The following GJA8 variants were observed in gnomAD, a reference collection of about 807,000 sequenced individuals.
The protein encoded by GJA8 is gap junction alpha-8 protein.
In GJA8, 13 loss-of-function variants were observed where a neutral mutation model predicts 15.3. The observed-to-expected ratio is 0.85, with a 90% CI of 0.55 to 1.35. GJA8 has a LOEUF of 1.35. Ranked by LOEUF, GJA8 falls within the 40% of genes most tolerant of loss-of-function variation. The pLI is 0.00. For missense variants in GJA8, 607 were observed against 553.3 expected, an observed-to-expected ratio of 1.10 and a Z score of -0.97; for synonymous variants, 304 against 238.7, an observed-to-expected ratio of 1.27 and a Z score of -2.52.
At chr1:147,913,467 C>T (rs1553243714), downstream of GJA8, among the ~76,000 whole-genome samples, 1 of 152,140 alleles carries the variant, frequency 6.6e-6, no homozygotes, top group Non-Finnish European at 1.5e-5. Context: ...GAAAGAGGTG[C>T]TAAAGGTACT....
intron 1 of GJA8, 121 bp from the exon 2 acceptor site, chr1:147,907,824 T>G (rs1354983420): frequency 2.6e-6 from 2 of 760,374 alleles, no homozygotes; most frequent in Non-Finnish European, 4.7e-6. Flanking sequence ...ATAGACGCTG[T>G]GTGCACATTG....
intron 1 of GJA8, among the ~76,000 whole-genome samples, chr1:147,904,728 G>A (rs1026358135): frequency 1.1e-4 from 17 of 152,038 alleles, no homozygotes; most frequent in Non-Finnish European, 2.1e-4. Context: ...ATTTCCCTTC[G>A]CAGCTCTAAA....
chr1:147,910,005 G>A (rs994531524), downstream of GJA8, among the ~76,000 whole-genome samples: 18 of 151,950 alleles, frequency 1.2e-4, no homozygotes, highest in South Asian at 2.1e-4. Context: ...GACTATAGGC[G>A]CACACCACCA....
At chr1:147,906,698 A>G (rs184706155) in intron 1 of GJA8, among the ~76,000 whole-genome samples, 1 of 152,248 alleles carries the variant, frequency 6.6e-6, no homozygotes, top group Admixed American at 6.5e-5. Context: ...CAACCTAGAG[A>G]AGAGGAAACA....
downstream of GJA8, among the ~76,000 whole-genome samples, chr1:147,910,409 C>G (rs1652067194): frequency 6.6e-6 from 1 of 152,130 alleles, no homozygotes; most frequent in Non-Finnish European, 1.5e-5. Flanking sequence ...TTTAAATCAT[C>G]AGTCCAGGAG....
chr1:147,907,294 C>G (rs1275763952), intron 1 of GJA8, among the ~76,000 whole-genome samples: 2 of 152,188 alleles, frequency 1.3e-5, no homozygotes, highest in Non-Finnish European at 2.9e-5. Flanking sequence ...GTAAATAAGA[C>G]AGGCATGGCT....
In GJA8 at chr1:147,908,828, A is replaced by T. The variant is rs782247196; in HGVS notation, c.873A>T (p.Pro291=). The part of the protein sequence containing the change: ...LTEVGMVETS[P]LPAKPFNQFE... ...AGGTTGGGATGGTGGAGACCAGCCC[A>T]CTGCCTGCCAAGCCTTTCAATCAGT... Residue 291 remains proline, a synonymous_variant, in exon 2 of 2, where the codon CCA becomes CCT. Transcript: ENST00000369235. The T allele has an allele frequency of 6.2e-7, 1 of 1,614,188 alleles. No individual in the cohort carries two copies. Among genetic ancestry groups the T allele is most frequent in the Admixed American group, 1.7e-5 (1 of 60,024 alleles).
intron 1 of GJA8, among the ~76,000 whole-genome samples, chr1:147,905,109 C>A (rs1370857936): frequency 2.0e-5 from 3 of 152,120 alleles, no homozygotes; most frequent in Non-Finnish European, 4.4e-5. Context: ...CCATTTTTTA[C>A]AAGTTCTTAA....
downstream of GJA8, among the ~76,000 whole-genome samples, chr1:147,909,658 G>C (rs1014645133): frequency 3.3e-5 from 5 of 152,158 alleles, no homozygotes; most frequent in Admixed American, 2.6e-4. Context: ...TTCTGAAGCA[G>C]ATACCATGTG....
downstream of GJA8, among the ~76,000 whole-genome samples, chr1:147,910,905 G>T (rs1553243380): frequency 6.6e-6 from 1 of 152,112 alleles, no homozygotes; most frequent in African/African-American, 2.4e-5. Flanking sequence ...ATCTTGAAGG[G>T]CTCCTGTCCT....
At position 147,908,498 on chromosome 1, in the gene GJA8, C is replaced by T. The variant is rs587653739; in HGVS notation, c.543C>T (p.Tyr181=). The T allele has an allele frequency of 1.2e-6, 2 of 1,614,206 alleles. No individual in the cohort carries two copies. The highest frequency in any genetic ancestry group is 2.2e-5 in the East Asian group (1 of 44,878). Residue 181 remains tyrosine, a synonymous_variant, in exon 2 of 2, where the codon TAC becomes TAT. Transcript: ENST00000369235. The part of the protein sequence containing the change: ...FLYGFRILPL[Y]RCSRWPCPNV... Reference sequence around the variant, plus strand: ...ACGGGTTCCGGATCCTGCCTCTGTACCGCTGCAGCCGGTGGCCCTGCCCCA... The same window carrying T: ...ACGGGTTCCGGATCCTGCCTCTGTATCGCTGCAGCCGGTGGCCCTGCCCCA...
rs782213276 is a variant in GJA8, at chr1:147,908,138, C to G, written c.183C>G (p.Cys61Trp). The G allele has an allele frequency of 6.2e-7, 1 of 1,614,214 alleles. No individual in the cohort carries two copies. Among genetic ancestry groups the G allele is most frequent in the South Asian group, 1.1e-5 (1 of 91,088 alleles). ...TGTGCAACACCCAGCAGCCTGGCTGCGAGAACGTCTGCTACGACGAGGCCT... is the reference window on the plus strand; with the variant it reads ...TGTGCAACACCCAGCAGCCTGGCTGGGAGAACGTCTGCTACGACGAGGCCT... Reference protein sequence around the residue: ...DFVCNTQQPGCENVCYDEAFP... With the variant: ...DFVCNTQQPGWENVCYDEAFP... Residue 61 changes from cysteine (C) to tryptophan (W), a missense_variant, in exon 2 of 2, where the codon TGC becomes TGG. Cys to Trp is a radical substitution (Grantham distance 215, BLOSUM62 -2). Coordinates refer to ENST00000369235, the MANE Select transcript of GJA8 (RefSeq NM_005267.5).
chr1:147,907,549 C>G (rs587708401), intron 1 of GJA8, among the ~76,000 whole-genome samples: 4 of 152,098 alleles, frequency 2.6e-5, no homozygotes, highest in Non-Finnish European at 5.9e-5. Context: ...TTATGTCTCA[C>G]GAAACTTAGA....
downstream of GJA8, among the ~76,000 whole-genome samples, chr1:147,910,492 G>T (rs1291261952): frequency 1.3e-5 from 2 of 152,156 alleles, no homozygotes; most frequent in Non-Finnish European, 2.9e-5. Flanking sequence ...GATATGCTTT[G>T]TATTGGTGGG....
At position 147,909,269 on chromosome 1, in the gene GJA8, A is replaced by C. The variant is rs782760287; in HGVS notation, c.*12A>C. On this transcript the variant is annotated 3_prime_UTR_variant, in exon 2 of 2. Coordinates refer to ENST00000369235, the MANE Select transcript of GJA8 (RefSeq NM_005267.5). ...ATCTAACCGTATGAAGTGACGCCAA[A>C]GAAAAAAAAAAAAACGCCCAAGCTT... 5.9e-6 allele frequency: 8 copies of C among 1,359,094 alleles called. No homozygotes were observed. The highest frequency in any genetic ancestry group is 7.1e-6 in the Non-Finnish European group (7 of 988,108). The allele number at this position is 1,359,094 out of a possible 1,614,324, so 84.2% of individuals were successfully genotyped here.
chr1:147,912,653 C>G (rs1365649864), downstream of GJA8, among the ~76,000 whole-genome samples: 2 of 152,070 alleles, frequency 1.3e-5, no homozygotes, highest in African/African-American at 2.4e-5. Flanking sequence ...CATTTCTACT[C>G]CTAGTCGGTC....
downstream of GJA8, among the ~76,000 whole-genome samples, chr1:147,910,061 T>C (rs1282517118): frequency 6.6e-6 from 1 of 152,182 alleles, no homozygotes; most frequent in South Asian, 2.1e-4. Context: ...CGTTTCACCA[T>C]GTTGCCTAGG....
intron 1 of GJA8, among the ~76,000 whole-genome samples, chr1:147,905,878 A>G (rs1553242235): frequency 6.6e-6 from 1 of 152,206 alleles, no homozygotes; most frequent in East Asian, 1.9e-4. Flanking sequence ...TGGGGATGCC[A>G]CAGCTGCTGT....
At position 147,908,003 on chromosome 1, in the gene GJA8, G is replaced by A; in HGVS notation, c.48G>A (p.Glu16=). The change falls in exon 2 of 2, where the codon GAG becomes GAA. Residue 16 remains glutamate (E), a synonymous_variant. Transcript: ENST00000369235. ...GGAACATCTTGGAGGAGGTGAATGA[G>A]CACTCCACCGTCATCGGCAGAGTCT... ...FLGNILEEVN[E]HSTVIGRVWL... 1.2e-6 allele frequency: 2 copies of A among 1,613,720 alleles called. No homozygotes were observed. Among genetic ancestry groups the A allele is most frequent in the Non-Finnish European group, 1.7e-6 (2 of 1,179,622 alleles).
Sources: allele counts gnomAD v4.1 joint callset (sites outside exome capture counted in the v4.1 genomes callset), GRCh38; gene constraint gnomAD v4.1.1; transcripts MANE v1.5; gene names NCBI Gene and HGNC (gene_info 2026-07-23, HGNC 2026-07-21).